Variants in WDPCP observed in about 807,000 individuals in gnomAD.
WDPCP encodes the protein WD repeat containing planar cell polarity effector, also known as WD repeat-containing and planar cell polarity effector protein fritz homolog.
A neutral mutation model predicts 93.1 loss-of-function variants in WDPCP; 71 were observed. That is an observed-to-expected ratio of 0.76 (90% CI 0.63 to 0.93). The LOEUF is 0.93. WDPCP is among the 40% of genes least tolerant of loss of function. The pLI is 0.00. For missense variants in WDPCP, 844 were observed against 887.4 expected (o/e 0.95, Z 0.62); for synonymous variants, 315 against 315.0 (o/e 1.00, Z 0.00).
intron 14 of WDPCP, among the ~76,000 whole-genome samples, chr2:63,252,949 T>A (rs758029780): frequency 2.6e-5 from 4 of 152,096 alleles, no homozygotes; most frequent in Non-Finnish European, 5.9e-5. Flanking sequence ...AGAGCCCAGA[T>A]AACCAAAGCA....
At chr2:63,668,614 C>A (rs1197675576) in intron 2 of WDPCP, among the ~76,000 whole-genome samples, 1 of 152,196 alleles carries the variant, frequency 6.6e-6, no homozygotes, top group Non-Finnish European at 1.5e-5. Context: ...AAGGTCTGTG[C>A]TTCCCTCCCC....
intron 1 of WDPCP, chr2:63,564,304 T>A (rs538734420): frequency 2.6e-5 from 4 of 152,352 alleles, no homozygotes; most frequent in Non-Finnish European, 5.9e-5. Flanking sequence ...CTTCGGAATT[T>A]CACTGTTAGA....
chr2:63,724,299 A>G (rs1340809913), intron 2 of WDPCP, among the ~76,000 whole-genome samples: 1 of 152,210 alleles, frequency 6.6e-6, no homozygotes, highest in African/African-American at 2.4e-5. Context: ...TAGACTTAAA[A>G]AATGGTCTTC....
chr2:63,386,483 A>C (rs1692741051), intron 10 of WDPCP, among the ~76,000 whole-genome samples: 1 of 152,090 alleles, frequency 6.6e-6, no homozygotes. Context: ...TCACCAGAGA[A>C]ATGCAAATTA....
intron 15 of WDPCP, among the ~76,000 whole-genome samples, chr2:63,161,320 T>C (rs558897183): frequency 1.3e-5 from 2 of 152,378 alleles, no homozygotes; most frequent in East Asian, 1.9e-4. Context: ...ATATTCCTTA[T>C]GTGCTTTTCA....
At position 63,404,324 on chromosome 2, in the gene WDPCP, G is replaced by A. The variant is rs1402913621; in HGVS notation, c.1159C>T (p.Pro387Ser). ...CCAACTAGCAGAATGGCACCACTTG[G>A]GTGGCAGCTTATTAATGAAGGCAAA... ...ELLPSLISCH[P>S]SGAILLVGSN... The change falls in exon 10 of 18, where the codon CCA becomes TCA. Residue 387 changes from proline to serine, a missense_variant. Pro to Ser is a moderately conservative substitution (Grantham distance 74, BLOSUM62 -1). Coordinates refer to ENST00000272321, the MANE Select transcript of WDPCP (RefSeq NM_015910.7). 3 of 1,613,970 alleles carry A rather than the reference G, an allele frequency of 1.9e-6. No individual in the cohort carries two copies. The highest frequency in any genetic ancestry group is 1.7e-5 in the Admixed American group (1 of 59,980).
chr2:63,263,694 A>T (rs965288455), intron 13 of WDPCP, among the ~76,000 whole-genome samples: 1 of 152,080 alleles, frequency 6.6e-6, no homozygotes, highest in Non-Finnish European at 1.5e-5. Flanking sequence ...AATAAAACCC[A>T]CTTGGCTGTA....
chr2:63,607,825 T>A (rs545713858), intron 3 of WDPCP, among the ~76,000 whole-genome samples: 143 of 83,866 alleles, frequency 1.7e-3, no homozygotes, highest in Non-Finnish European at 2.3e-3. Flanking sequence ...AGACTCCGTC[T>A]CAAAAAAAAA....
In WDPCP at chr2:63,184,691, G is replaced by A. The variant is rs200948591; in HGVS notation, c.1916-9859C>T. On this transcript the variant is annotated intron_variant, in intron 14 of 17. Coordinates refer to ENST00000272321, the MANE Select transcript of WDPCP (RefSeq NM_015910.7). Reference sequence around the variant, plus strand: ...TTAGACAATTTAATGACTATACGTTGTGGTGAAATCCACCTGGCAGTGTGT... The same window carrying A: ...TTAGACAATTTAATGACTATACGTTATGGTGAAATCCACCTGGCAGTGTGT... Among the ~76,000 whole-genome samples the A allele has an allele frequency of 5.3e-5, 8 of 152,166 alleles. No homozygotes were observed. The East Asian group carries it at 1.4e-3, about 26-fold the overall frequency.
upstream of WDPCP, among the ~76,000 whole-genome samples, chr2:63,828,963 C>G (rs895641994): frequency 1.3e-5 from 2 of 151,988 alleles, no homozygotes; most frequent in African/African-American, 4.8e-5. Context: ...ATGTATATCA[C>G]TTTGTGTTAT....
At chr2:63,483,359 A>T (rs1422487741) in intron 6 of WDPCP, among the ~76,000 whole-genome samples, 3 of 151,948 alleles carry the variant, frequency 2.0e-5, no homozygotes, top group African/African-American at 7.2e-5. Context: ...ATAAGCTATA[A>T]TTTTTTTAAA....
chr2:63,244,624 G>T (rs1680126663), intron 14 of WDPCP, among the ~76,000 whole-genome samples: 1 of 152,090 alleles, frequency 6.6e-6, no homozygotes, highest in Admixed American at 6.6e-5. Flanking sequence ...AGAGGAAATG[G>T]ATAAATTCCT....
At chr2:63,438,647 G>A (rs1697299800) in intron 7 of WDPCP, among the ~76,000 whole-genome samples, 1 of 152,002 alleles carries the variant, frequency 6.6e-6, no homozygotes, top group Non-Finnish European at 1.5e-5. Context: ...AAAATGGCAT[G>A]CTTACAATCC....
intron 11 of WDPCP, among the ~76,000 whole-genome samples, chr2:63,379,233 A>C (rs997687978): frequency 6.6e-6 from 1 of 152,132 alleles, no homozygotes; most frequent in Admixed American, 6.6e-5. Context: ...AAGTTAAGTA[A>C]TTACCATAAT....
intron 12 of WDPCP, chr2:63,369,092 G>GAA: frequency 4.3e-5 from 8 of 186,004 alleles, no homozygotes; most frequent in East Asian, 2.3e-4. Context: ...CTACATAGTA[G>GAA]AAAAAAAAAA....
chr2:63,267,558 G>C (rs1682243736), intron 13 of WDPCP, among the ~76,000 whole-genome samples: 1 of 152,122 alleles, frequency 6.6e-6, no homozygotes, highest in South Asian at 2.1e-4. Context: ...ACCATGTATT[G>C]GGAGAAAATA....
At chr2:63,494,287 T>TGACGACGACGACGACGAC (rs11281691) in intron 1 of WDPCP, among the ~76,000 whole-genome samples, 20 of 150,454 alleles carry the variant, frequency 1.3e-4, no homozygotes, top group Middle Eastern at 3.5e-3. Context: ...ATGATGATGA[T>TGACGACGACGACGACGAC]GACGACGACG....
At position 63,179,199 on chromosome 2, in the gene WDPCP, C is replaced by CG. The variant is rs142127782; in HGVS notation, c.1916-4368dup. Among the ~76,000 whole-genome samples the CG allele has an allele frequency of 8.1e-3, 899 of 111,060 alleles. 11 individuals carry two copies. The highest frequency in any genetic ancestry group is 0.021 in the African/African-American group (711 of 33,232). The allele number at this position is 111,060 out of a possible 152,430, so 72.9% of individuals were successfully genotyped here. A position where few individuals can be genotyped will look rare whatever the true frequency, so the allele number is the denominator to read the frequency against. ...TGGGTGACAGAGTGAGACCCTGTCT[C>CG]GGGGGGAAAAAAAAAAAAGAAATAT... On this transcript the variant is annotated intron_variant, in intron 14 of 17. Transcript: ENST00000272321.
intron 1 of WDPCP, among the ~76,000 whole-genome samples, chr2:63,575,429 T>TATATACAGTGTATGCACTGTATATACA (rs1434476225): frequency 5.5e-4 from 1 of 1,802 alleles, no homozygotes; most frequent in African/African-American, 1.8e-3. Context: ...CTGTATACAG[T>TATATACAGTGTATGCACTGTATATACA]GTATATACAG....
Sources: gnomAD v4.1 joint callset for allele counts (sites outside exome capture counted in the v4.1 genomes callset) on GRCh38, gnomAD v4.1.1 for gene constraint, MANE v1.5 for transcripts, NCBI Gene and HGNC (gene_info 2026-07-23, HGNC 2026-07-21) for gene names.